SLC4A4: variants seen among roughly 807,000 people sequenced by gnomAD.
SLC4A4 encodes solute carrier family 4 member 4.
SLC4A4 carries 27 observed loss-of-function variants against 111.5 expected under a neutral mutation model. The observed-to-expected ratio is 0.24, with a 90% confidence interval of 0.18 to 0.33. SLC4A4 has a LOEUF of 0.33. Ranked by LOEUF, SLC4A4 falls within the 10% of genes least tolerant of loss-of-function variation. The pLI is 1.00. For synonymous variants in SLC4A4, 443 were observed against 463.4 expected (o/e 0.96, Z 0.57); for missense variants, 909 against 1,315.5 (o/e 0.69, Z 4.78).
intron 14 of SLC4A4, among the ~76,000 whole-genome samples, chr4:71,481,255 TA>T (rs1728854240): frequency 6.6e-6 from 1 of 151,736 alleles, no homozygotes; most frequent in African/African-American, 2.4e-5. Flanking sequence ...AGGTGATACA[TA>T]AAAGCAGACA....
Position 71,450,300 on chromosome 4 carries a change from G to T in SLC4A4, c.1054-89G>T, listed in dbSNP as rs187431764. 9.4e-4 allele frequency: 876 copies of T among 936,498 alleles called. 2 individuals carry two copies. The highest frequency in any genetic ancestry group is 1.4e-3 in the Non-Finnish European group (769 of 566,670). The allele number at this position is 936,498 out of a possible 1,614,324, so 58.0% of individuals were successfully genotyped here. A position where few individuals can be genotyped will look rare whatever the true frequency, so the allele number is the denominator to read the frequency against. ...CTGGATTAATATTAATAGCACAGTT[G>T]TTATGGGCTGCATTCTTCAGGCTTG... On this transcript the variant is annotated intron_variant, in intron 9 of 25. Coordinates refer to ENST00000264485, the MANE Select transcript of SLC4A4 (RefSeq NM_001098484.3).
chr4:71,411,631 C>G (rs775928525), intron 7 of SLC4A4, among the ~76,000 whole-genome samples: 1 of 151,722 alleles, frequency 6.6e-6, no homozygotes, highest in Non-Finnish European at 1.5e-5. Context: ...TTTTAAAAAG[C>G]AGTTAAAAAA....
chr4:71,352,120 A>G (rs1729896379), intron 5 of SLC4A4, among the ~76,000 whole-genome samples: 1 of 152,218 alleles, frequency 6.6e-6, no homozygotes, highest in Non-Finnish European at 1.5e-5. Flanking sequence ...AAGCTGCAAG[A>G]AAGATTGTTA....
At chr4:71,369,302 A>G (rs1165338933) in intron 6 of SLC4A4, among the ~76,000 whole-genome samples, 2 of 152,206 alleles carry the variant, frequency 1.3e-5, no homozygotes, top group African/African-American at 4.8e-5. Flanking sequence ...TATTTCTTCT[A>G]CTGTCAAAGA....
At chr4:71,231,971 A>G (rs978119812) in intron 1 of SLC4A4, among the ~76,000 whole-genome samples, 2 of 152,208 alleles carry the variant, frequency 1.3e-5, no homozygotes, top group Non-Finnish European at 2.9e-5. Context: ...TTTGTGGTGT[A>G]AAGATGAAGA....
chr4:71,558,643 C>T (rs1214045568), intron 22 of SLC4A4, among the ~76,000 whole-genome samples: 7 of 151,900 alleles, frequency 4.6e-5, no homozygotes, highest in East Asian at 3.9e-4. Context: ...TGTTTTATCT[C>T]CCCCACAGCT....
chr4:71,288,037 A>C (rs972008085), intron 3 of SLC4A4, among the ~76,000 whole-genome samples: 8 of 152,184 alleles, frequency 5.3e-5, no homozygotes, highest in African/African-American at 1.9e-4. Context: ...ATGATCTTTC[A>C]ATCATTTTTA....
intron 2 of SLC4A4, among the ~76,000 whole-genome samples, chr4:71,098,338 G>A (rs948330716): frequency 1.3e-5 from 2 of 152,002 alleles, no homozygotes; most frequent in Non-Finnish European, 2.9e-5. Context: ...ATGATCATAG[G>A]TGTGTGGTCT....
intron 2 of SLC4A4, among the ~76,000 whole-genome samples, chr4:71,128,711 G>T (rs1480589847): frequency 1.3e-5 from 2 of 152,034 alleles, no homozygotes; most frequent in African/African-American, 2.4e-5. Flanking sequence ...CTGGTCTCAA[G>T]CTCCTAGACT....
intron 16 of SLC4A4, among the ~76,000 whole-genome samples, chr4:71,498,944 T>C (rs532056519): frequency 6.6e-6 from 1 of 152,172 alleles, no homozygotes; most frequent in African/African-American, 2.4e-5. Context: ...TGTCTAAGAA[T>C]TGGCTGTTTC....
At position 71,570,456 on chromosome 4, in the gene SLC4A4, T is replaced by A. The variant is rs532753876; in HGVS notation, c.*2705T>A. 1 of 152,386 alleles carries A rather than the reference T, an allele frequency of 6.6e-6. No individual in the cohort carries two copies. The highest frequency in any genetic ancestry group is 1.5e-5 in the Non-Finnish European group (1 of 67,850). The allele number at this position is 152,386 out of a possible 1,614,324, so 9.4% of individuals were successfully genotyped here. A position where few individuals can be genotyped will look rare whatever the true frequency, so the allele number is the denominator to read the frequency against. On this transcript the variant is annotated 3_prime_UTR_variant, in exon 26 of 26. Transcript: ENST00000264485. ...AAACTAACAAGCAAAACCTGAGGTT[T>A]ACCTAGTGACACCAAATTATCGGTA...
intron 6 of SLC4A4, among the ~76,000 whole-genome samples, chr4:71,380,287 G>A (rs1271007381): frequency 2.0e-5 from 3 of 152,130 alleles, no homozygotes; most frequent in Non-Finnish European, 2.9e-5. Context: ...TATTACACCA[G>A]TTCCCACAAA....
At chr4:71,269,700 C>T (rs749161141) in intron 3 of SLC4A4, among the ~76,000 whole-genome samples, 20 of 152,152 alleles carry the variant, frequency 1.3e-4, no homozygotes, top group Admixed American at 6.5e-5. Context: ...GTTTAATCCT[C>T]GTAAGAACCT....
In SLC4A4 at chr4:71,546,451, C is replaced by T. The variant is rs377324449; in HGVS notation, c.2544C>T (p.Ser848=). The T allele has an allele frequency of 9.7e-5, 156 of 1,612,710 alleles. No individual in the cohort carries two copies. Among genetic ancestry groups the T allele is most frequent in the Admixed American group, 3.5e-4 (21 of 59,872 alleles). The change falls in exon 19 of 26, where the codon TCC becomes TCT. Residue 848 remains serine, a synonymous_variant. Coordinates refer to ENST00000264485, the MANE Select transcript of SLC4A4 (RefSeq NM_001098484.3). ...LPWYVAATVI[S]IAHIDSLKME... is the part of the protein sequence containing the mutation. ...GGTATGTAGCTGCTACGGTCATCTC[C>T]ATTGCTCACATCGACAGTTTGAAGA...
At chr4:71,174,556 A>AT (rs1415486842) in intron 2 of SLC4A4, among the ~76,000 whole-genome samples, 1 of 152,146 alleles carries the variant, frequency 6.6e-6, no homozygotes, top group Non-Finnish European at 1.5e-5. Flanking sequence ...CCCACACACC[A>AT]TTTTTTAATA....
At chr4:71,482,039 C>G (rs906244649) in intron 14 of SLC4A4, among the ~76,000 whole-genome samples, 1 of 151,598 alleles carries the variant, frequency 6.6e-6, no homozygotes, top group Non-Finnish European at 1.5e-5. Flanking sequence ...AAGGAGATTG[C>G]AGATTCCATA....
chr4:71,079,530 C>T (rs769027845), intron 1 of SLC4A4, among the ~76,000 whole-genome samples: 1 of 152,100 alleles, frequency 6.6e-6, no homozygotes, highest in Non-Finnish European at 1.5e-5. Context: ...AATCCCAGCA[C>T]TTTGGGAGGC....
At chr4:71,234,086 C>T (rs1282145884) in intron 1 of SLC4A4, among the ~76,000 whole-genome samples, 1 of 152,150 alleles carries the variant, frequency 6.6e-6, no homozygotes, top group African/African-American at 2.4e-5. Flanking sequence ...AACACATTAC[C>T]TGCAAATATT....
intron 2 of SLC4A4, among the ~76,000 whole-genome samples, chr4:71,179,506 G>C (rs1560761914): frequency 6.6e-6 from 1 of 152,068 alleles, no homozygotes; most frequent in Non-Finnish European, 1.5e-5. Context: ...CTTCAGCAAA[G>C]TCTCAGGATA....
Sources: gnomAD v4.1 joint callset for allele counts (sites outside exome capture counted in the v4.1 genomes callset) on GRCh38, gnomAD v4.1.1 for gene constraint, MANE v1.5 for transcripts, NCBI Gene and HGNC (gene_info 2026-07-23, HGNC 2026-07-21) for gene names.